Variants in HDAC9 observed in about 807,000 individuals in gnomAD.
The protein encoded by HDAC9 is histone deacetylase 9, also known as MEF-2 interacting transcription repressor (MITR) protein.
In HDAC9, 41 loss-of-function variants were observed where a neutral mutation model predicts 139.4. The observed-to-expected ratio is 0.29, with a 90% CI of 0.23 to 0.38. The LOEUF is 0.38. Among genes scored for constraint, HDAC9 ranks in the 10% least tolerant of loss-of-function variants. The probability of loss-of-function intolerance (pLI) is 1.00; values close to 1 mark genes in which losing one functional copy is unlikely to be tolerated. For missense variants in HDAC9, 1,147 were observed against 1,297.0 expected (o/e 0.88, Z 1.78); for synonymous variants, 517 against 476.2 (o/e 1.09, Z -1.12).
rs571482505 is a variant in HDAC9 at position 18,992,912 on chromosome 7, G to A, written c.3171-3111G>A. ...CTGGGTTGATTTTATAGTTATCTCCGAACTTACTGTCTTCAGCTCCCTGCA... is the reference window on the plus strand; with the variant it reads ...CTGGGTTGATTTTATAGTTATCTCCAAACTTACTGTCTTCAGCTCCCTGCA... On this transcript the variant is annotated intron_variant, in intron 25 of 25. Transcript: ENST00000686413. Among the ~76,000 whole-genome samples, 16 of 152,180 alleles carry A rather than the reference G, an allele frequency of 1.1e-4. No individual in the cohort carries two copies. In the East Asian group the frequency reaches 2.9e-3, roughly 28 times the overall value.
intron 13 of HDAC9, among the ~76,000 whole-genome samples, chr7:18,742,945 CT>C (rs1350547780): frequency 6.6e-6 from 1 of 152,088 alleles, no homozygotes. Context: ...GGACCAGTGT[CT>C]TTTGACTTTT....
chr7:18,281,530 A>G (rs1000642342), intron 2 of HDAC9, among the ~76,000 whole-genome samples: 2 of 152,200 alleles, frequency 1.3e-5, no homozygotes, highest in East Asian at 1.9e-4. Context: ...ATTTCAAAGG[A>G]TAATAGCCTA....
chr7:18,734,321 C>T (rs535774905), intron 13 of HDAC9, among the ~76,000 whole-genome samples: 1 of 152,134 alleles, frequency 6.6e-6, no homozygotes, highest in Non-Finnish European at 1.5e-5. Context: ...TGTTGGTTTG[C>T]CGTACCCATC....
At chr7:18,314,450 T>TA (rs2128628617) in intron 1 of HDAC9, among the ~76,000 whole-genome samples, 1 of 152,324 alleles carries the variant, frequency 6.6e-6, no homozygotes, top group South Asian at 2.1e-4. Context: ...TATTAATAGT[T>TA]ACGTTTGATA....
Position 18,450,308 on chromosome 7 carries a change from A to G in HDAC9, c.-41-45954A>G, listed in dbSNP as rs936028505. On this transcript the variant is annotated intron_variant, in intron 1 of 3. Coordinates refer to the HDAC9 transcript ENST00000413509. ...ATTACATCAACATCTGTGATTACTGATTCAACCCTAGCTCTTTGATATTTA... is the reference window on the plus strand; with the variant it reads ...ATTACATCAACATCTGTGATTACTGGTTCAACCCTAGCTCTTTGATATTTA... Among the ~76,000 whole-genome samples, 12 of 152,332 alleles carry G rather than the reference A, an allele frequency of 7.9e-5. No individual in the cohort carries two copies. The East Asian group carries it at 1.9e-3, about 24-fold the overall frequency.
intron 6 of HDAC9, among the ~76,000 whole-genome samples, chr7:18,602,068 A>T (rs2128876674): frequency 6.6e-6 from 1 of 152,274 alleles, no homozygotes; most frequent in East Asian, 1.9e-4. Flanking sequence ...GGTAAAATTT[A>T]CTAGTGAAAC....
chr7:18,758,579 G>C (rs992206543), intron 14 of HDAC9, among the ~76,000 whole-genome samples: 2 of 151,936 alleles, frequency 1.3e-5, no homozygotes, highest in African/African-American at 4.8e-5. Context: ...CAATATGAAA[G>C]GAAAAGTTGA....
At chr7:18,482,793 C>T (rs1795677168) in intron 1 of HDAC9, among the ~76,000 whole-genome samples, 1 of 152,164 alleles carries the variant, frequency 6.6e-6, no homozygotes, top group African/African-American at 2.4e-5. Flanking sequence ...TCATGGGTGT[C>T]CTGTCCAGTG....
intron 6 of HDAC9, among the ~76,000 whole-genome samples, chr7:18,617,286 G>T (rs887002684): frequency 1.3e-5 from 2 of 151,960 alleles, no homozygotes; most frequent in African/African-American, 4.8e-5. Flanking sequence ...TATGTACAAG[G>T]CTAAAGCTCC....
At chr7:18,222,837 T>C (rs1214997907) in intron 2 of HDAC9, among the ~76,000 whole-genome samples, 1 of 152,182 alleles carries the variant, frequency 6.6e-6, no homozygotes. Flanking sequence ...AAGAAATACC[T>C]CTTTTGTATG....
Position 18,524,042 on chromosome 7 carries a change from A to C in HDAC9, c.22+27718A>C, listed in dbSNP as rs564744559. ...GCAACACTGAGAGTAGGAAAACCTT[A>C]CACTATGAAAACATAGAGGGGAAAG... On this transcript the variant is annotated intron_variant, in intron 2 of 25. Coordinates refer to ENST00000686413, the MANE Select transcript of HDAC9 (RefSeq NM_178425.4). Among the ~76,000 whole-genome samples the C allele has an allele frequency of 2.0e-5, 3 of 152,230 alleles. No individual in the cohort carries two copies. In the South Asian group the frequency reaches 6.2e-4, roughly 32 times the overall value.
rs951599231 is a variant in HDAC9, at chr7:18,996,751, T to G, written c.*689T>G. On this transcript the variant is annotated 3_prime_UTR_variant, in exon 26 of 26. Coordinates refer to ENST00000686413, the MANE Select transcript of HDAC9 (RefSeq NM_178425.4). ...TAATGGTGCAATATTTTATATCACTTTTTTTTAAACATCCCCAACATCTTT... is the reference window on the plus strand; with the variant it reads ...TAATGGTGCAATATTTTATATCACTGTTTTTTAAACATCCCCAACATCTTT... 2 of 152,110 alleles carry G rather than the reference T, an allele frequency of 1.3e-5. No homozygotes were observed. The highest frequency in any genetic ancestry group is 4.8e-5 in the African/African-American group (2 of 41,416). 9.4% of individuals were successfully genotyped at this position (152,110 alleles called of 1,614,324 possible). A position where few individuals can be genotyped will look rare whatever the true frequency, so the allele number is the denominator to read the frequency against.
intron 24 of HDAC9, among the ~76,000 whole-genome samples, chr7:18,959,775 CT>C (rs1460433851): frequency 6.6e-6 from 1 of 152,128 alleles, no homozygotes; most frequent in Non-Finnish European, 1.5e-5. Flanking sequence ...TGTAGCCCCA[CT>C]TTCACTTTTC....
At chr7:18,350,179 ATAAAT>A (rs1396173696) in intron 1 of HDAC9, among the ~76,000 whole-genome samples, 1 of 152,142 alleles carries the variant, frequency 6.6e-6, no homozygotes, top group African/African-American at 2.4e-5. Flanking sequence ...TTAGTCTTTA[ATAAAT>A]TAGAATTTAT....
chr7:18,693,238 C>G (rs193041755), intron 12 of HDAC9, among the ~76,000 whole-genome samples: 87 of 152,004 alleles, frequency 5.7e-4, no homozygotes, highest in Middle Eastern at 3.4e-3. Context: ...GAGAGATAAC[C>G]AAACCAAACA....
intron 19 of HDAC9, among the ~76,000 whole-genome samples, chr7:18,832,314 A>G (rs1022085237): frequency 4.6e-5 from 7 of 152,244 alleles, no homozygotes; most frequent in Admixed American, 2.0e-4. Context: ...TTGTTGATCA[A>G]GTACATTTAG....
intron 21 of HDAC9, among the ~76,000 whole-genome samples, chr7:18,866,726 T>C (rs1052581944): frequency 3.3e-5 from 5 of 152,214 alleles, no homozygotes; most frequent in Admixed American, 3.3e-4. Context: ...AGTTGCAGGC[T>C]GTGGAACCAA....
intron 23 of HDAC9, among the ~76,000 whole-genome samples, chr7:18,936,150 TC>T (rs1279388060): frequency 1.3e-5 from 2 of 152,172 alleles, no homozygotes; most frequent in Non-Finnish European, 2.9e-5. Flanking sequence ...CTCACTCCCT[TC>T]AATCAGGTTA....
intron 21 of HDAC9, among the ~76,000 whole-genome samples, chr7:18,848,594 A>G (rs1585147623): frequency 6.6e-6 from 1 of 152,028 alleles, no homozygotes; most frequent in Middle Eastern, 3.4e-3. Context: ...ATCCTGGCAC[A>G]CTGACCTCAA....
Sources: gnomAD v4.1 joint callset for allele counts (sites outside exome capture counted in the v4.1 genomes callset) on GRCh38, gnomAD v4.1.1 for gene constraint, MANE v1.5 for transcripts, NCBI Gene and HGNC (gene_info 2026-07-23, HGNC 2026-07-21) for gene names.